The following COMMD10 variants were observed in gnomAD, a reference collection of about 807,000 sequenced individuals.
COMMD10 encodes the protein COMM domain-containing protein 10.
In COMMD10, 33 loss-of-function variants were observed where a neutral mutation model predicts 28.9. The ratio of observed to expected loss-of-function variants is 1.14; its 90% CI spans 0.87 to 1.53. The LOEUF (loss-of-function observed/expected upper bound fraction) is 1.53, where lower values mean the gene tolerates loss of function less well. Among genes scored for constraint, COMMD10 ranks in the 40% most tolerant of loss-of-function variants. COMMD10 has a pLI of 0.00. For synonymous variants in COMMD10, 110 were observed against 81.7 expected, an observed-to-expected ratio of 1.35 and a Z score of -1.87; for missense variants, 310 against 233.4, an observed-to-expected ratio of 1.33 and a Z score of -2.14.
chr5:116,221,345 A>T (rs1472243370), intron 5 of COMMD10, among the ~76,000 whole-genome samples: 1 of 151,930 alleles, frequency 6.6e-6, no homozygotes, highest in African/African-American at 2.4e-5. Flanking sequence ...GTCTCCTCCC[A>T]TCTCCTTTCT....
intron 5 of COMMD10, chr5:116,255,665 T>C (rs1750263646): frequency 6.6e-6 from 1 of 151,666 alleles, no homozygotes; most frequent in Non-Finnish European, 1.5e-5. Context: ...TTAGTTTGAA[T>C]TTAATAATAG....
intron 4 of COMMD10, among the ~76,000 whole-genome samples, chr5:116,121,377 A>T (rs188185296): frequency 6.6e-6 from 1 of 152,202 alleles, no homozygotes; most frequent in Non-Finnish European, 1.5e-5. Context: ...AATCCAGTCT[A>T]TCATTGCTGG....
chr5:116,231,416 G>T (rs1749525950), intron 5 of COMMD10, among the ~76,000 whole-genome samples: 1 of 152,054 alleles, frequency 6.6e-6, no homozygotes, highest in Non-Finnish European at 1.5e-5. Context: ...AACAAAAATG[G>T]TAGAGGTAAG....
chr5:116,235,410 A>G (rs76362620), intron 5 of COMMD10, among the ~76,000 whole-genome samples: 2,569 of 152,258 alleles, frequency 0.017, 75 homozygotes, highest in African/African-American at 0.057. Flanking sequence ...TCATTTAAGC[A>G]TTTCAGGTAT....
At chr5:116,095,386 A>G (rs1034557310) in intron 4 of COMMD10, among the ~76,000 whole-genome samples, 6 of 152,224 alleles carry the variant, frequency 3.9e-5, no homozygotes, top group Non-Finnish European at 5.9e-5. Context: ...GAACATGTCT[A>G]AGGTTAGCTA....
rs144968707 is a variant in COMMD10 at position 116,239,867 on chromosome 5, G to A, written c.511-51650G>A. 3.0e-3 allele frequency among the ~76,000 whole-genome samples: 450 copies of A among 152,214 alleles called. 1 individual carries two copies. Among genetic ancestry groups the A allele is most frequent in the Non-Finnish European group, 4.4e-3 (300 of 68,010 alleles). Reference sequence around the variant, plus strand: ...TTGCTGTGTTTAAATGATTGACAAGGCAGAAACTTTGTCTTTTCTTCAACT... The same window carrying A: ...TTGCTGTGTTTAAATGATTGACAAGACAGAAACTTTGTCTTTTCTTCAACT... On this transcript the variant is annotated intron_variant, in intron 5 of 6. Transcript: ENST00000274458.
At chr5:116,278,296 C>G (rs141190997) in intron 5 of COMMD10, among the ~76,000 whole-genome samples, 1 of 151,864 alleles carries the variant, frequency 6.6e-6, no homozygotes, top group African/African-American at 2.4e-5. Context: ...TCTTAACTTG[C>G]TGATTATATT....
At chr5:116,247,199 G>A (rs576423873) in intron 5 of COMMD10, among the ~76,000 whole-genome samples, 90 of 151,668 alleles carry the variant, frequency 5.9e-4, no homozygotes, top group Non-Finnish European at 1.1e-3. Context: ...ATATACATAT[G>A]GTCAACAGTC....
intron 4 of COMMD10, among the ~76,000 whole-genome samples, chr5:116,125,168 G>T (rs1751582072): frequency 1.3e-5 from 2 of 152,086 alleles, no homozygotes; most frequent in African/African-American, 4.8e-5. Flanking sequence ...TTACAATCTG[G>T]CATGTTTTTG....
chr5:116,092,271 A>G (rs1487342220), intron 3 of COMMD10, among the ~76,000 whole-genome samples: 1 of 152,160 alleles, frequency 6.6e-6, no homozygotes, highest in East Asian at 1.9e-4. Context: ...GCAAAGAAGA[A>G]GTTTTTTGGT....
intron 5 of COMMD10, among the ~76,000 whole-genome samples, chr5:116,260,123 G>A (rs962691353): frequency 2.0e-5 from 3 of 151,626 alleles, no homozygotes; most frequent in Non-Finnish European, 4.4e-5. Context: ...GTCCTCATTG[G>A]CCATCCATTC....
chr5:116,175,947 G>C (rs1753495215), intron 5 of COMMD10, among the ~76,000 whole-genome samples: 1 of 152,114 alleles, frequency 6.6e-6, no homozygotes, highest in Non-Finnish European at 1.5e-5. Flanking sequence ...GGAGATGGAT[G>C]GTGGTGATGG....
intron 5 of COMMD10, among the ~76,000 whole-genome samples, chr5:116,185,568 A>C (rs940839223): frequency 4.0e-5 from 6 of 151,724 alleles, no homozygotes; most frequent in Admixed American, 3.9e-4. Flanking sequence ...GTGGGGAAGT[A>C]GGGAGGAATT....
chr5:116,138,831 T>C (rs1344548888), intron 5 of COMMD10, among the ~76,000 whole-genome samples: 1 of 151,744 alleles, frequency 6.6e-6, no homozygotes, highest in Non-Finnish European at 1.5e-5. Context: ...AAATTCTGTT[T>C]AGTGTGAGAA....
intron 5 of COMMD10, among the ~76,000 whole-genome samples, chr5:116,172,852 C>T (rs989274587): frequency 2.6e-5 from 4 of 152,004 alleles, no homozygotes; most frequent in African/African-American, 4.8e-5. Context: ...ACAAAAAATA[C>T]GATGAAATTT....
At chr5:116,266,327 A>G (rs1196791683) in intron 5 of COMMD10, among the ~76,000 whole-genome samples, 2 of 151,770 alleles carry the variant, frequency 1.3e-5, no homozygotes, top group Non-Finnish European at 2.9e-5. Context: ...AGATTTTTTA[A>G]AGGTTAAGCT....
Position 116,214,502 on chromosome 5 carries a change from C to T in COMMD10, c.511-77015C>T, listed in dbSNP as rs1166517355. Among the ~76,000 whole-genome samples, 6 of 152,098 alleles carry T rather than the reference C, an allele frequency of 3.9e-5. No homozygotes were observed. The East Asian group carries it at 5.8e-4, about 15-fold the overall frequency. On this transcript the variant is annotated intron_variant, in intron 5 of 6. Coordinates refer to ENST00000274458, the MANE Select transcript of COMMD10 (RefSeq NM_016144.4). ...ACAGGCACTTTTACATATTACCTTA[C>T]TGGATCTTAACCACTGTAAGCATTA...
At chr5:116,292,418 A>C (rs1751388410) in intron 6 of COMMD10, 33 bp from the exon 7 acceptor site, 1 of 1,417,968 alleles carries the variant, frequency 7.1e-7, no homozygotes, top group Non-Finnish European at 9.4e-7. Flanking sequence ...TCCCTTCACT[A>C]ACGTCTTTTT....
intron 5 of COMMD10, among the ~76,000 whole-genome samples, chr5:116,274,355 C>T (rs949046102): frequency 6.6e-6 from 1 of 151,836 alleles, no homozygotes; most frequent in Admixed American, 6.6e-5. Context: ...AATTTGCAGA[C>T]TATACAGCTC....
Sources: gnomAD v4.1 joint callset for allele counts (sites outside exome capture counted in the v4.1 genomes callset) on GRCh38, gnomAD v4.1.1 for gene constraint, MANE v1.5 for transcripts, NCBI Gene and HGNC (gene_info 2026-07-23, HGNC 2026-07-21) for gene names.